Variants in CFAP221 observed in about 807,000 individuals in gnomAD.
The protein encoded by CFAP221 is cilia and flagella associated protein 221.
CFAP221 carries 97 observed loss-of-function variants against 113.1 expected under a neutral mutation model. The observed-to-expected ratio is 0.86, with a 90% CI of 0.73 to 1.02. The LOEUF (loss-of-function observed/expected upper bound fraction) is 1.02. Ranked by LOEUF, CFAP221 falls within the 50% of genes least tolerant of loss-of-function variation. The pLI is 0.00. For missense variants in CFAP221, 1,025 were observed against 1,013.4 expected, an observed-to-expected ratio of 1.01 and a Z score of -0.16; for synonymous variants, 331 against 354.4, an observed-to-expected ratio of 0.93 and a Z score of 0.74.
At chr2:119,625,019 AT>A (rs1487445238) in intron 14 of CFAP221, among the ~76,000 whole-genome samples, 1 of 151,560 alleles carries the variant, frequency 6.6e-6, no homozygotes, top group Non-Finnish European at 1.5e-5. Context: ...TACAGTATAT[AT>A]TAAAAAAAAA....
intron 3 of CFAP221, among the ~76,000 whole-genome samples, chr2:119,555,436 C>T (rs533128350): frequency 6.6e-6 from 1 of 152,248 alleles, no homozygotes; most frequent in South Asian, 2.1e-4. Context: ...TTCAAATAAA[C>T]TCTTCATATT....
chr2:119,575,463 C>A (rs1682379854), intron 6 of CFAP221, among the ~76,000 whole-genome samples: 1 of 152,144 alleles, frequency 6.6e-6, no homozygotes, highest in Admixed American at 6.5e-5. Flanking sequence ...ATACTTTCAT[C>A]TTAAGTGCAG....
Position 119,584,360 on chromosome 2 carries a change from G to A in CFAP221, c.528-2759G>A, listed in dbSNP as rs371368567. Among the ~76,000 whole-genome samples, 18 of 152,276 alleles carry A rather than the reference G, an allele frequency of 1.2e-4. 1 individual carries two copies. In the South Asian group the frequency reaches 3.5e-3, roughly 30 times the overall value. On this transcript the variant is annotated intron_variant, in intron 6 of 23. Transcript: ENST00000413369. ...CCAGCACTTTTGGTGGCCAAGGCAA[G>A]AGGATCACTTGAGCCCAGGAGTTCG...
chr2:119,628,231 C>T (rs950728688), intron 16 of CFAP221, among the ~76,000 whole-genome samples: 2 of 151,588 alleles, frequency 1.3e-5, no homozygotes, highest in Non-Finnish European at 1.5e-5. Context: ...AATGTGGCCC[C>T]AGAAACTGAC....
At chr2:119,600,289 G>T (rs1325578457) in intron 7 of CFAP221, among the ~76,000 whole-genome samples, 1 of 152,226 alleles carries the variant, frequency 6.6e-6, no homozygotes. Context: ...TGTGATATTT[G>T]ACTCTGGGGA....
chr2:119,631,569 G>A (rs1417424920), intron 19 of CFAP221, among the ~76,000 whole-genome samples: 1 of 152,166 alleles, frequency 6.6e-6, no homozygotes, highest in Non-Finnish European at 1.5e-5. Flanking sequence ...CAGCTATTCA[G>A]GAGGCTGAGG....
intron 14 of CFAP221, among the ~76,000 whole-genome samples, chr2:119,618,051 C>T (rs1417622573): frequency 6.6e-6 from 1 of 152,198 alleles, no homozygotes; most frequent in Non-Finnish European, 1.5e-5. Flanking sequence ...AGGCATCCCA[C>T]CTCCAGCCCC....
chr2:119,550,706 C>T (rs1680358304), intron 3 of CFAP221, among the ~76,000 whole-genome samples: 2 of 152,122 alleles, frequency 1.3e-5, no homozygotes, highest in African/African-American at 2.4e-5. Context: ...ATTACTTGCT[C>T]CTTATGCTTT....
intron 6 of CFAP221, among the ~76,000 whole-genome samples, chr2:119,582,544 G>A (rs1017474687): frequency 8.6e-5 from 13 of 150,882 alleles, no homozygotes; most frequent in Admixed American, 3.3e-4. Context: ...GAACCTCCGC[G>A]TTCCAGGCTT....
intron 23 of CFAP221, among the ~76,000 whole-genome samples, chr2:119,653,708 T>C (rs1369064769): frequency 6.6e-6 from 1 of 152,218 alleles, no homozygotes; most frequent in Non-Finnish European, 1.5e-5. Context: ...GGTTTTAATA[T>C]ATATTGCTTA....
In CFAP221 at chr2:119,627,641, T is replaced by C. The variant is rs751657649; in HGVS notation, c.1517-12T>C. 1.2e-6 allele frequency: 2 copies of C among 1,612,194 alleles called. No homozygotes were observed. Among genetic ancestry groups the C allele is most frequent in the Non-Finnish European group, 1.7e-6 (2 of 1,179,206 alleles). On this transcript the variant is annotated splice_polypyrimidine_tract_variant and intron_variant, in intron 15 of 23. Transcript: ENST00000413369. ...TAGTACCCCCTAAAAGTGCCCTTTT[T>C]TTCACCCATAGAGGCGAATTTCTTC...
chr2:119,546,029 G>T (rs1006004653), intron 1 of CFAP221, 56 bp from the exon 2 acceptor site: 5 of 1,274,038 alleles, frequency 3.9e-6, no homozygotes, highest in African/African-American at 1.5e-5. Context: ...CAAAGAAAGA[G>T]AAAAAATGTG....
chr2:119,658,610 C>G (rs1688525728), downstream of CFAP221, among the ~76,000 whole-genome samples: 1 of 150,802 alleles, frequency 6.6e-6, no homozygotes, highest in Non-Finnish European at 1.5e-5. Context: ...ACTGAGCCCC[C>G]CTCAACACGC....
chr2:119,587,245 G>T, intron 7 of CFAP221, 23 bp downstream of exon 7: 2 of 1,441,156 alleles, frequency 1.4e-6, no homozygotes, highest in Non-Finnish European at 1.8e-6. Flanking sequence ...AAGATTTCAA[G>T]TTCTAAAAAC....
chr2:119,613,651 G>T (rs895171457), intron 13 of CFAP221, among the ~76,000 whole-genome samples: 1 of 152,198 alleles, frequency 6.6e-6, no homozygotes. Context: ...AAGCAGCAAG[G>T]CCCTGGGCCC....
chr2:119,572,686 C>T, intron 6 of CFAP221: 1 of 615,530 alleles, frequency 1.6e-6, no homozygotes, highest in South Asian at 1.9e-5. Context: ...GACAAACCTG[C>T]CTGAAACTCA....
At chr2:119,571,564 C>T (rs1682061759) in intron 6 of CFAP221, among the ~76,000 whole-genome samples, 1 of 152,188 alleles carries the variant, frequency 6.6e-6, no homozygotes, top group Non-Finnish European at 1.5e-5. Context: ...AAACAATCCT[C>T]CCACCTCAGC....
At chr2:119,582,363 A>T (rs184702197) in intron 6 of CFAP221, among the ~76,000 whole-genome samples, 1 of 152,300 alleles carries the variant, frequency 6.6e-6, no homozygotes, top group African/African-American at 2.4e-5. Context: ...AGAGTCTTCA[A>T]TAGGCAGGTA....
intron 12 of CFAP221, among the ~76,000 whole-genome samples, chr2:119,610,845 A>G (rs1022630946): frequency 1.3e-5 from 2 of 152,226 alleles, no homozygotes; most frequent in African/African-American, 4.8e-5. Flanking sequence ...ACACACAGAT[A>G]GGCAAAAACT....
Sources: allele counts gnomAD v4.1 joint callset (sites outside exome capture counted in the v4.1 genomes callset), GRCh38; gene constraint gnomAD v4.1.1; transcripts MANE v1.5; gene names NCBI Gene and HGNC (gene_info 2026-07-23, HGNC 2026-07-21).